The following NXN variants were observed in gnomAD, a reference collection of about 807,000 sequenced individuals.
The protein encoded by NXN is nucleoredoxin.
Under a neutral mutation model 48.6 loss-of-function variants are expected in NXN, and 16 were observed. The ratio of observed to expected loss-of-function variants is 0.33; its 90% CI spans 0.22 to 0.50. The LOEUF is 0.50. Ranked by LOEUF, NXN falls within the 20% of genes least tolerant of loss-of-function variation. The pLI, the probability that NXN is intolerant of heterozygous loss-of-function variation, is 0.98. For synonymous variants in NXN, 281 were observed against 269.6 expected, an observed-to-expected ratio of 1.04 and a Z score of -0.41; for missense variants, 492 against 605.5, an observed-to-expected ratio of 0.81 and a Z score of 1.97.
chr17:837,415 A>G (rs1913885872), intron 1 of NXN, among the ~76,000 whole-genome samples: 1 of 152,188 alleles, frequency 6.6e-6, no homozygotes, highest in Non-Finnish European at 1.5e-5. Flanking sequence ...CTCAGAGCCT[A>G]GTATACCTGC....
intron 1 of NXN, among the ~76,000 whole-genome samples, chr17:963,383 G>A (rs545981457): frequency 2.6e-5 from 4 of 151,554 alleles, no homozygotes; most frequent in African/African-American, 7.3e-5. Flanking sequence ...CAGGTGGATC[G>A]CTTGAGGCCA....
chr17:921,434 A>G (rs1393052148), intron 1 of NXN, among the ~76,000 whole-genome samples: 1 of 151,894 alleles, frequency 6.6e-6, no homozygotes, highest in Non-Finnish European at 1.5e-5. Context: ...GCTGCTTTCC[A>G]TCTTTTCCTC....
chr17:818,753 T>C (rs912369542), intron 5 of NXN, among the ~76,000 whole-genome samples: 1 of 151,686 alleles, frequency 6.6e-6, no homozygotes, highest in African/African-American at 2.4e-5. Context: ...GGGCGTGTGG[T>C]GGGCGCCTGT....
chr17:816,434 C>G (rs901651552), intron 5 of NXN, among the ~76,000 whole-genome samples: 1 of 152,056 alleles, frequency 6.6e-6, no homozygotes, highest in Non-Finnish European at 1.5e-5. Context: ...GAAAACGTGT[C>G]GGCCGGGCCT....
At chr17:827,555 G>A (rs1034503640) in intron 1 of NXN, among the ~76,000 whole-genome samples, 20 of 152,320 alleles carry the variant, frequency 1.3e-4, no homozygotes, top group East Asian at 5.8e-4. Flanking sequence ...CCCGGGAGGC[G>A]GGGCTTGCGG....
At chr17:944,566 T>C (rs1567513094) in intron 1 of NXN, among the ~76,000 whole-genome samples, 1 of 152,164 alleles carries the variant, frequency 6.6e-6, no homozygotes, top group Non-Finnish European at 1.5e-5. Context: ...TTGTGGCAAA[T>C]AGCTCTGAAG....
Position 799,942 on chromosome 17 carries a change from C to G in NXN, c.*1007G>C, listed in dbSNP as rs925360007. 2.0e-5 allele frequency: 3 copies of G among 152,212 alleles called. No individual in the cohort carries two copies. Among genetic ancestry groups the G allele is most frequent in the African/African-American group, 7.2e-5 (3 of 41,440 alleles). The allele number at this position is 152,212 out of a possible 1,614,324, so 9.4% of individuals were successfully genotyped here. A position where few individuals can be genotyped will look rare whatever the true frequency, so the allele number is the denominator to read the frequency against. On this transcript the variant is annotated 3_prime_UTR_variant, in exon 8 of 8. Coordinates refer to ENST00000336868, the MANE Select transcript of NXN (RefSeq NM_022463.5). ...ACCAGCCTGGCCAACATGGTGAAAC[C>G]CCATCTCTACTAAAAATACAAAAAT... is the stretch of plus-strand genomic sequence containing the variant.
intron 1 of NXN, among the ~76,000 whole-genome samples, chr17:966,443 G>A (rs940659958): frequency 6.6e-6 from 1 of 152,074 alleles, no homozygotes; most frequent in East Asian, 1.9e-4. Context: ...CGCTTCCAGG[G>A]TTCAAATGAT....
At chr17:889,846 C>A (rs144980952) in intron 1 of NXN, among the ~76,000 whole-genome samples, 1 of 152,276 alleles carries the variant, frequency 6.6e-6, no homozygotes, top group East Asian at 1.9e-4. Context: ...GAATGACACT[C>A]GGGTTTCAAG....
At chr17:974,817 A>T (rs1015740066) in intron 1 of NXN, among the ~76,000 whole-genome samples, 2 of 95,972 alleles carry the variant, frequency 2.1e-5, no homozygotes, top group East Asian at 2.2e-4. Flanking sequence ...CTTTATTTTT[A>T]TTTATTTATT....
intron 1 of NXN, among the ~76,000 whole-genome samples, chr17:934,622 C>T (rs928069730): frequency 6.6e-6 from 1 of 151,930 alleles, no homozygotes; most frequent in Admixed American, 6.6e-5. Flanking sequence ...GCCTGTAATC[C>T]CAGCACTTTG....
At chr17:805,983 G>A (rs1435703811) in intron 5 of NXN, among the ~76,000 whole-genome samples, 1 of 152,114 alleles carries the variant, frequency 6.6e-6, no homozygotes, top group Admixed American at 6.5e-5. Flanking sequence ...TGACCACACG[G>A]CGGACTTGCT....
rs984117038 is a variant in NXN at position 920,096 on chromosome 17, C to A, written c.360+59223G>T. 1.3e-5 allele frequency among the ~76,000 whole-genome samples: 2 copies of A among 152,076 alleles called. No homozygotes were observed. The highest frequency in any genetic ancestry group is 2.9e-5 in the Non-Finnish European group (2 of 68,014). ...TGTATTTTTGGTGGAGACAAGGTTT[C>A]GCCATGTTGCCCAGGCTGGTCTTGA... On this transcript the variant is annotated intron_variant, in intron 1 of 7. Transcript: ENST00000336868. This position sits in a 1 kb window ranked among gnomAD's most constrained non-coding sequence, Gnocchi z 4.6.
At chr17:925,993 GT>G (rs1431055506) in intron 1 of NXN, among the ~76,000 whole-genome samples, 1 of 152,084 alleles carries the variant, frequency 6.6e-6, no homozygotes, top group Non-Finnish European at 1.5e-5. Flanking sequence ...GCTGATTCTC[GT>G]TGCAAAAGAG....
chr17:800,531 A>G lies in NXN; in HGVS notation c.*418T>C, dbSNP rs1911144824. ...GAGGCCCTTTCTCAGCTCAGCCTCC[A>G]CGCAGGTGTCACCCGGCGGTTCCCC... On this transcript the variant is annotated 3_prime_UTR_variant, in exon 8 of 8. Coordinates refer to ENST00000336868, the MANE Select transcript of NXN (RefSeq NM_022463.5). 1 of 155,518 alleles carries G rather than the reference A, an allele frequency of 6.4e-6. No individual in the cohort carries two copies. The highest frequency in any genetic ancestry group is 1.4e-5 in the Non-Finnish European group (1 of 70,370). 9.6% of individuals were successfully genotyped at this position (155,518 alleles called of 1,614,324 possible).
In NXN at chr17:920,007, G is replaced by C. The variant is rs764703990; in HGVS notation, c.360+59312C>G. Among the ~76,000 whole-genome samples the C allele has an allele frequency of 3.9e-5, 6 of 152,120 alleles. No homozygotes were observed. Among genetic ancestry groups the C allele is most frequent in the Middle Eastern group, 6.8e-3 (2 of 294 alleles). On this transcript the variant is annotated intron_variant, in intron 1 of 7. Transcript: ENST00000336868. The surrounding 1 kb of genome is among the most constrained non-coding windows in gnomAD (Gnocchi z 4.6). ...ATCCAGAGCAACTACCCACTTCCAC[G>C]GCCTCCTCCATGTGAGGACCTCCGC...
intron 5 of NXN, among the ~76,000 whole-genome samples, chr17:812,117 C>T (rs112640124): frequency 0.033 from 5,018 of 150,266 alleles, 279 homozygotes; most frequent in African/African-American, 0.11. Context: ...TTAATAGAGA[C>T]GGGGTTTCAC....
intron 1 of NXN, among the ~76,000 whole-genome samples, chr17:925,165 G>C (rs1320384201): frequency 6.6e-6 from 1 of 152,164 alleles, no homozygotes; most frequent in Non-Finnish European, 1.5e-5. Flanking sequence ...GAGGAAGAAA[G>C]AAGGGGTGGA....
intron 5 of NXN, among the ~76,000 whole-genome samples, chr17:807,413 C>T (rs755352650): frequency 8.5e-5 from 13 of 152,284 alleles, no homozygotes; most frequent in East Asian, 7.7e-4. Context: ...GCACGGGGGA[C>T]GGGGAGGGAG....
Sources: allele counts gnomAD v4.1 joint callset (sites outside exome capture counted in the v4.1 genomes callset), GRCh38; gene constraint gnomAD v4.1.1; non-coding constraint Gnocchi (gnomAD v3.1); transcripts MANE v1.5; gene names NCBI Gene and HGNC (gene_info 2026-07-23, HGNC 2026-07-21).